KMT2A: variants seen among roughly 807,000 people sequenced by gnomAD.
KMT2A encodes histone-lysine N-methyltransferase 2A.
Under a neutral mutation model 345.3 loss-of-function variants are expected in KMT2A, and 16 were observed. The ratio of observed to expected loss-of-function variants is 0.05; its 90% CI spans 0.03 to 0.07. The LOEUF (loss-of-function observed/expected upper bound fraction) is 0.07, where lower values mean the gene tolerates loss of function less well. KMT2A is among the 10% of genes least tolerant of loss of function. The probability of loss-of-function intolerance (pLI) is 1.00; values close to 1 mark genes in which losing one functional copy is unlikely to be tolerated. For missense variants in KMT2A, 3,272 were observed against 4,841.6 expected, an observed-to-expected ratio of 0.68 and a Z score of 9.62; for synonymous variants, 1,599 against 1,778.6, an observed-to-expected ratio of 0.90 and a Z score of 2.54.
chr11:118,451,722 G>A (rs1167085260), intron 1 of KMT2A, among the ~76,000 whole-genome samples: 1 of 151,146 alleles, frequency 6.6e-6, no homozygotes, highest in Non-Finnish European at 1.5e-5. Flanking sequence ...GAACTCCCAG[G>A]CTCAAGCAGT....
intron 1 of KMT2A, among the ~76,000 whole-genome samples, chr11:118,452,765 C>G (rs1949565862): frequency 6.6e-6 from 1 of 152,030 alleles, no homozygotes; most frequent in Non-Finnish European, 1.5e-5. Context: ...TCCCAAGTAG[C>G]TGGGATTACA....
intron 1 of KMT2A, among the ~76,000 whole-genome samples, chr11:118,447,050 T>C (rs1949436019): frequency 6.6e-6 from 1 of 152,244 alleles, no homozygotes; most frequent in Non-Finnish European, 1.5e-5. Context: ...TTGGGCTTAT[T>C]ATTCGTCTCC....
chr11:118,452,643 T>G (rs1381169294), intron 1 of KMT2A, among the ~76,000 whole-genome samples: 5 of 148,208 alleles, frequency 3.4e-5, no homozygotes, highest in African/African-American at 1.3e-4. Context: ...TCTTTCTTGT[T>G]TTTTTTTTGA....
At chr11:118,457,133 A>G (rs1251667019) in intron 1 of KMT2A, among the ~76,000 whole-genome samples, 1 of 151,832 alleles carries the variant, frequency 6.6e-6, no homozygotes, top group Non-Finnish European at 1.5e-5. Context: ...TCCAAATCTA[A>G]TCATACTTCT....
At chr11:118,480,088 T>C in intron 5 of KMT2A, 86 bp from the exon 6 acceptor site, 1 of 1,022,716 alleles carries the variant, frequency 9.8e-7, no homozygotes, top group South Asian at 1.3e-5. Flanking sequence ...ACAGATTCAC[T>C]GATTGTTGCA....
intron 1 of KMT2A, among the ~76,000 whole-genome samples, chr11:118,446,078 G>A (rs983938973): frequency 2.0e-5 from 3 of 152,054 alleles, no homozygotes; most frequent in Admixed American, 2.0e-4. Context: ...GCCGGGTGGG[G>A]TGGCTCAATC....
rs182965863 is a variant in KMT2A at position 118,463,124 on chromosome 11, A to G, written c.433-5651A>G. 1.1e-3 allele frequency among the ~76,000 whole-genome samples: 154 copies of G among 146,626 alleles called. No homozygotes were observed. The East Asian group carries it at 0.026, about 25-fold the overall frequency. ...GTGTGTATCTCTTACATTTATCTTT[A>G]TTTTTTTTTTTTAAATAAAGATGGG... is the stretch of plus-strand genomic sequence containing the variant. On this transcript the variant is annotated intron_variant, in intron 1 of 35. Transcript: ENST00000534358.
intron 29 of KMT2A, 133 bp from the exon 30 acceptor site, chr11:118,509,815 C>T (rs546304451): frequency 7.7e-6 from 5 of 652,164 alleles, no homozygotes; most frequent in East Asian, 3.2e-5. Context: ...GGTTTGTTAT[C>T]TATAAATGGG....
chr11:118,479,142 T>A (rs1950089002), intron 5 of KMT2A, among the ~76,000 whole-genome samples: 1 of 152,198 alleles, frequency 6.6e-6, no homozygotes, highest in Non-Finnish European at 1.5e-5. Flanking sequence ...ACAATTAAAT[T>A]ATTATTTACT....
In KMT2A at chr11:118,491,687, T is replaced by C. The variant is rs1950326535; in HGVS notation, c.4820-57T>C. 7.4e-7 allele frequency: 1 copy of C among 1,348,514 alleles called. No individual in the cohort carries two copies. Among genetic ancestry groups the C allele is most frequent in the Admixed American group, 2.2e-5 (1 of 44,758 alleles). 83.5% of individuals were successfully genotyped at this position (1,348,514 alleles called of 1,614,324 possible). ...TAAGTTCAGTGGAATAGTTTCCTCTTCTTCCTCTCTCTCATTCTTCAGAGG... is the reference window on the plus strand; with the variant it reads ...TAAGTTCAGTGGAATAGTTTCCTCTCCTTCCTCTCTCTCATTCTTCAGAGG... On this transcript the variant is annotated intron_variant, in intron 14 of 35. Coordinates refer to ENST00000534358, the MANE Select transcript of KMT2A (RefSeq NM_001197104.2). The surrounding 1 kb of genome is among the most constrained non-coding windows in gnomAD (Gnocchi z 4.2).
intron 1 of KMT2A, among the ~76,000 whole-genome samples, chr11:118,459,847 C>T (rs1051426236): frequency 3.3e-5 from 5 of 150,792 alleles, no homozygotes; most frequent in East Asian, 2.0e-4. Flanking sequence ...CTACCACGCC[C>T]GGCTAATTTT....
rs1555049025 is a variant in KMT2A at position 118,507,855 on chromosome 11, C to CAA, written c.10835+247_10835+248insAA. 63 of 386,000 alleles carry CAA rather than the reference C, an allele frequency of 1.6e-4. 1 individual carries two copies. The South Asian group carries it at 1.7e-3, about 10-fold the overall frequency. 23.9% of individuals were successfully genotyped at this position (386,000 alleles called of 1,614,324 possible). On this transcript the variant is annotated intron_variant, in intron 28 of 35. Transcript: ENST00000534358. ...GCGGGCGCCTGTAGTCCCAGCCACT[C>CAA]AGGAGGCTGAGGCAGGAGAAGGGCG...
At chr11:118,482,741 CTTTA>C (rs1427723548) in intron 8 of KMT2A, among the ~76,000 whole-genome samples, 1 of 139,650 alleles carries the variant, frequency 7.2e-6, no homozygotes, top group African/African-American at 2.7e-5. Context: ...AAGACCCTGT[CTTTA>C]TTTAAACAAA....
chr11:118,519,776 G>A lies in KMT2A; in HGVS notation c.11305G>A (p.Ala3769Thr), dbSNP rs1555052893. 1.2e-6 allele frequency: 2 copies of A among 1,613,076 alleles called. No individual in the cohort carries two copies. Among genetic ancestry groups the A allele is most frequent in the East Asian group, 2.2e-5 (1 of 44,826 alleles). The change falls in exon 32 of 36, where the codon GCT becomes ACT. Residue 3769 changes from alanine (A) to threonine (T), a missense_variant. Coordinates refer to ENST00000534358, the MANE Select transcript of KMT2A (RefSeq NM_001197104.2). ...CTTGAACCCTCACGGCTCAGCCAGG[G>A]CTGAAGTCCACCTCAGGCAAGTTCC... ...PPLNPHGSARAEVHLRKSAFD... is the reference protein window; with the variant it reads ...PPLNPHGSARTEVHLRKSAFD...
chr11:118,483,177 G>A (rs1290559814), intron 8 of KMT2A, among the ~76,000 whole-genome samples: 2 of 150,788 alleles, frequency 1.3e-5, no homozygotes, highest in Admixed American at 6.6e-5. Flanking sequence ...AGGCTGCAGT[G>A]AGCCGAGATT....
chr11:118,461,033 C>A, intron 1 of KMT2A, among the ~76,000 whole-genome samples: 1 of 152,162 alleles, frequency 6.6e-6, no homozygotes, highest in Non-Finnish European at 1.5e-5. Context: ...GAAAAGTTGT[C>A]TTAGTAGTAC....
rs1950510361 is a variant in KMT2A, at chr11:118,502,136, C to T, written c.6506-262C>T. Among the ~76,000 whole-genome samples, 1 of 151,994 alleles carries T rather than the reference C, an allele frequency of 6.6e-6. No homozygotes were observed. Among genetic ancestry groups the T allele is most frequent in the African/African-American group, 2.4e-5 (1 of 41,378 alleles). ...GGTGTGGCGGTGCATGCCTGTAATC[C>T]CAGCTACCCAGGAGGCTAAGGCAGG... On this transcript the variant is annotated intron_variant, in intron 26 of 35. Coordinates refer to ENST00000534358, the MANE Select transcript of KMT2A (RefSeq NM_001197104.2). This position sits in a 1 kb window ranked among gnomAD's most constrained non-coding sequence, Gnocchi z 4.9.
Position 118,521,156 on chromosome 11 carries a change from TC to T in KMT2A, c.11514-130del. ...GTGTTAGATGGCCAAATCAAGTGGG[TC>T]CAAATTTTTATTTTCTCAAGTATAT... On this transcript the variant is annotated intron_variant, in intron 34 of 35. Coordinates refer to ENST00000534358, the MANE Select transcript of KMT2A (RefSeq NM_001197104.2). The surrounding 1 kb of genome is among the most constrained non-coding windows in gnomAD (Gnocchi z 5.3). 9.8e-7 allele frequency: 1 copy of T among 1,017,826 alleles called. No homozygotes were observed. Among genetic ancestry groups the T allele is most frequent in the Non-Finnish European group, 1.5e-6 (1 of 687,980 alleles). 63.0% of individuals were successfully genotyped at this position (1,017,826 alleles called of 1,614,324 possible). A position where few individuals can be genotyped will look rare whatever the true frequency, so the allele number is the denominator to read the frequency against.
chr11:118,466,756 G>A (rs1463209846), intron 1 of KMT2A, among the ~76,000 whole-genome samples: 2 of 151,860 alleles, frequency 1.3e-5, no homozygotes, highest in African/African-American at 2.4e-5. Flanking sequence ...CTGAGGTGGC[G>A]CCATTGTACT....
Sources: gnomAD v4.1 joint callset for allele counts (sites outside exome capture counted in the v4.1 genomes callset) on GRCh38, gnomAD v4.1.1 for gene constraint, Gnocchi (gnomAD v3.1) non-coding constraint, MANE v1.5 for transcripts, NCBI Gene and HGNC (gene_info 2026-07-23, HGNC 2026-07-21) for gene names.